Variants in LMNTD1 observed in about 807,000 individuals in gnomAD.
LMNTD1 encodes lamin tail domain containing 1, also known as lamin tail domain-containing protein 1.
In LMNTD1, 35 loss-of-function variants were observed where a neutral mutation model predicts 50.9. That is an observed-to-expected ratio of 0.69 (90% CI 0.53 to 0.91). LMNTD1 has a LOEUF of 0.91. LMNTD1 is among the 40% of genes least tolerant of loss of function. LMNTD1 has a pLI of 0.00. For synonymous variants in LMNTD1, 153 were observed against 161.9 expected, an observed-to-expected ratio of 0.94 and a Z score of 0.42; for missense variants, 470 against 475.5, an observed-to-expected ratio of 0.99 and a Z score of 0.11.
At chr12:25,626,620 T>C (rs944149505) in intron 1 of LMNTD1, among the ~76,000 whole-genome samples, 2 of 152,206 alleles carry the variant, frequency 1.3e-5, no homozygotes, top group South Asian at 4.1e-4. Context: ...GTTTTGTCCT[T>C]TCCTGAGAAG....
chr12:25,553,385 C>A (rs1943889543), upstream of LMNTD1: 2 of 554,382 alleles, frequency 3.6e-6, no homozygotes, highest in African/African-American at 3.9e-5. Flanking sequence ...GATGCTGTAC[C>A]TTCTTTGCAG....
intron 3 of LMNTD1, 41 bp from the exon 4 acceptor site, chr12:25,546,595 T>C (rs766491375): frequency 1.2e-5 from 15 of 1,258,582 alleles, no homozygotes; most frequent in East Asian, 2.7e-5. Context: ...AGGAAAGAAG[T>C]AAATAAAATG....
intron 9 of LMNTD1, among the ~76,000 whole-genome samples, chr12:25,490,692 G>A (rs1591822758): frequency 6.6e-6 from 1 of 152,140 alleles, no homozygotes; most frequent in East Asian, 1.9e-4. Flanking sequence ...GTCCTCTAAT[G>A]CTGAGCCAGC....
chr12:25,604,474 A>C (rs1026475385), intron 1 of LMNTD1, among the ~76,000 whole-genome samples: 2 of 151,908 alleles, frequency 1.3e-5, no homozygotes, highest in African/African-American at 2.4e-5. Context: ...CATTAGGTAT[A>C]TCTCCTAATG....
intron 4 of LMNTD1, among the ~76,000 whole-genome samples, chr12:25,530,641 T>C (rs1942157732): frequency 6.6e-6 from 1 of 152,212 alleles, no homozygotes; most frequent in South Asian, 2.1e-4. Context: ...ATGGTTTTAA[T>C]TTATATTGTT....
At chr12:25,556,988 G>GTAA (rs974728892), upstream of LMNTD1, among the ~76,000 whole-genome samples, 3 of 152,140 alleles carry the variant, frequency 2.0e-5, no homozygotes, top group African/African-American at 7.2e-5. Flanking sequence ...CAGGCCATGG[G>GTAA]TAATATGCAG....
intron 1 of LMNTD1, among the ~76,000 whole-genome samples, chr12:25,643,332 C>G (rs972131566): frequency 6.6e-6 from 1 of 152,106 alleles, no homozygotes; most frequent in Non-Finnish European, 1.5e-5. Flanking sequence ...AAGCATCCAG[C>G]AAGGCCAGAG....
At chr12:25,636,355 T>C (rs1470933211) in intron 1 of LMNTD1, among the ~76,000 whole-genome samples, 3 of 151,880 alleles carry the variant, frequency 2.0e-5, no homozygotes, top group Non-Finnish European at 4.4e-5. Context: ...AAAGAAGATA[T>C]ACAAATGACC....
chr12:25,590,959 C>A (rs1441156777), intron 1 of LMNTD1, among the ~76,000 whole-genome samples: 1 of 152,140 alleles, frequency 6.6e-6, no homozygotes. Flanking sequence ...GAGTAAGACT[C>A]TAACACTGGC....
intron 9 of LMNTD1, among the ~76,000 whole-genome samples, chr12:25,478,772 G>A (rs898243684): frequency 2.0e-5 from 3 of 152,070 alleles, no homozygotes; most frequent in African/African-American, 7.2e-5. Flanking sequence ...GGCAACAAGA[G>A]CGAAACTCTG....
intron 1 of LMNTD1, among the ~76,000 whole-genome samples, chr12:25,629,382 A>G (rs947793108): frequency 6.6e-6 from 1 of 152,216 alleles, no homozygotes; most frequent in African/African-American, 2.4e-5. Flanking sequence ...CCTAACTCGT[A>G]AAGTGGAAGT....
At chr12:25,528,631 G>T (rs1408422855) in intron 4 of LMNTD1, among the ~76,000 whole-genome samples, 1 of 152,124 alleles carries the variant, frequency 6.6e-6, no homozygotes, top group Non-Finnish European at 1.5e-5. Flanking sequence ...CCATCAGAGA[G>T]AATAGTGTAT....
At chr12:25,572,420 T>C (rs575450174) in intron 1 of LMNTD1, among the ~76,000 whole-genome samples, 1 of 152,302 alleles carries the variant, frequency 6.6e-6, no homozygotes, top group Admixed American at 6.5e-5. Context: ...TTATATTCTT[T>C]CCAAAGCGTC....
rs1221547309 is a variant in LMNTD1 at position 25,584,256 on chromosome 12, CACTT to C, written c.59-37706_59-37703del. On this transcript the variant is annotated intron_variant, in intron 1 of 7. Coordinates refer to the LMNTD1 transcript ENST00000445693. Reference sequence around the variant, plus strand: ...TATACAATATATTTATGATTTTTCTCACTTAAAGCACAATTGAAACAATCAAAAA... The same window carrying C: ...TATACAATATATTTATGATTTTTCTCAAAGCACAATTGAAACAATCAAAAA... 3.9e-5 allele frequency among the ~76,000 whole-genome samples: 6 copies of C among 152,242 alleles called. No homozygotes were observed. The Middle Eastern group carries it at 0.014, about 345-fold the overall frequency.
chr12:25,503,562 C>T (rs1293777610), intron 9 of LMNTD1, among the ~76,000 whole-genome samples, 176 bp downstream of exon 9: 1 of 152,130 alleles, frequency 6.6e-6, no homozygotes. Context: ...TATCATTCAA[C>T]ATGAAGACAA....
At chr12:25,623,244 C>T (rs957737719) in intron 1 of LMNTD1, among the ~76,000 whole-genome samples, 29 of 151,930 alleles carry the variant, frequency 1.9e-4, no homozygotes, top group African/African-American at 6.8e-4. Flanking sequence ...ACATTAAACT[C>T]ATAAACTGCT....
chr12:25,558,244 A>C (rs1278751252), upstream of LMNTD1, among the ~76,000 whole-genome samples: 1 of 151,794 alleles, frequency 6.6e-6, no homozygotes, highest in Non-Finnish European at 1.5e-5. Context: ...TGTTTTATTG[A>C]TCTTTTGTAT....
chr12:25,518,680 G>A, intron 8 of LMNTD1, 115 bp downstream of exon 8: 1 of 894,730 alleles, frequency 1.1e-6, no homozygotes, highest in Non-Finnish European at 1.8e-6. Context: ...ATCTATTCTT[G>A]AGAATATGAA....
chr12:25,495,248 A>AAGTGTGTG (rs774259552), intron 9 of LMNTD1, among the ~76,000 whole-genome samples: 1 of 46,346 alleles, frequency 2.2e-5, no homozygotes, highest in Admixed American at 2.9e-4. Flanking sequence ...TAAAGTGTGT[A>AAGTGTGTG]CGTGTGTGTG....
Sources: gnomAD v4.1 joint callset for allele counts (sites outside exome capture counted in the v4.1 genomes callset) on GRCh38, gnomAD v4.1.1 for gene constraint, MANE v1.5 for transcripts, NCBI Gene and HGNC (gene_info 2026-07-23, HGNC 2026-07-21) for gene names.